The following SLC30A5 variants were observed in gnomAD, a reference collection of about 807,000 sequenced individuals.
SLC30A5 encodes the protein solute carrier family 30 member 5, also known as proton-coupled zinc antiporter SLC30A5.
SLC30A5 carries 33 observed loss-of-function variants against 79.6 expected under a neutral mutation model. That is an observed-to-expected ratio of 0.41 (90% CI 0.31 to 0.55). SLC30A5 has a LOEUF of 0.55. SLC30A5 is among the 20% of genes least tolerant of loss of function. The pLI, the probability that SLC30A5 is intolerant of heterozygous loss-of-function variation, is 0.20. For synonymous variants in SLC30A5, 299 were observed against 319.7 expected, an observed-to-expected ratio of 0.94 and a Z score of 0.69; for missense variants, 788 against 928.1, an observed-to-expected ratio of 0.85 and a Z score of 1.96.
intron 5 of SLC30A5, among the ~76,000 whole-genome samples, chr5:69,108,974 A>G (rs1054381940): frequency 6.6e-6 from 1 of 152,172 alleles, no homozygotes. Flanking sequence ...TAACATGGAA[A>G]CAGTGGAAAA....
chr5:69,118,998 G>A (rs937685788), intron 12 of SLC30A5, among the ~76,000 whole-genome samples: 3 of 151,572 alleles, frequency 2.0e-5, no homozygotes, highest in African/African-American at 4.8e-5. Flanking sequence ...ATAGAGTTTC[G>A]CCATGTTGGC....
intron 5 of SLC30A5, among the ~76,000 whole-genome samples, chr5:69,110,185 A>G (rs1195413587): frequency 6.6e-6 from 1 of 152,156 alleles, no homozygotes; most frequent in African/African-American, 2.4e-5. Flanking sequence ...GGCTGCCTTC[A>G]GCCAAAATAT....
chr5:69,098,540 C>T (rs529197775), intron 1 of SLC30A5, among the ~76,000 whole-genome samples: 1 of 152,272 alleles, frequency 6.6e-6, no homozygotes, highest in African/African-American at 2.4e-5. Flanking sequence ...TTGGGCTTTG[C>T]CTACTGCAGT....
intron 12 of SLC30A5, among the ~76,000 whole-genome samples, chr5:69,121,288 G>A (rs1365256922): frequency 6.6e-6 from 1 of 152,000 alleles, no homozygotes; most frequent in Non-Finnish European, 1.5e-5. Context: ...TATAATTGTT[G>A]GCATATAAAC....
At chr5:69,097,050 A>C (rs185291206) in intron 1 of SLC30A5, among the ~76,000 whole-genome samples, 35 of 151,748 alleles carry the variant, frequency 2.3e-4, no homozygotes, top group African/African-American at 8.4e-4. Context: ...ACTAGAAAAA[A>C]ACAGAACACA....
intron 4 of SLC30A5, among the ~76,000 whole-genome samples, chr5:69,105,921 GGTGGAACA>G (rs1163235247): frequency 6.6e-6 from 1 of 152,188 alleles, no homozygotes; most frequent in East Asian, 1.9e-4. Flanking sequence ...GATGATCTGA[GGTGGAACA>G]GTTATGTCCT....
At chr5:69,095,875 C>T (rs1359501144) in intron 1 of SLC30A5, among the ~76,000 whole-genome samples, 1 of 149,200 alleles carries the variant, frequency 6.7e-6, no homozygotes, top group African/African-American at 2.5e-5. Context: ...GCCTGGCCAA[C>T]ATGGTGAGAC....
intron 4 of SLC30A5, among the ~76,000 whole-genome samples, chr5:69,106,761 CTT>C (rs1298668228): frequency 5.9e-5 from 9 of 152,276 alleles, no homozygotes; most frequent in South Asian, 2.1e-4. Context: ...ATACTTTACT[CTT>C]TTGTAAAAAC....
At chr5:69,112,009 A>G (rs1746245143) in intron 5 of SLC30A5, among the ~76,000 whole-genome samples, 1 of 152,192 alleles carries the variant, frequency 6.6e-6, no homozygotes, top group Non-Finnish European at 1.5e-5. Context: ...ATGTATAGTA[A>G]TGCTGTTTAG....
chr5:69,128,739 G>C (rs1211423575), intron 15 of SLC30A5, among the ~76,000 whole-genome samples: 1 of 152,056 alleles, frequency 6.6e-6, no homozygotes, highest in South Asian at 2.1e-4. Context: ...CAAAAAATAA[G>C]TTATTATAAA....
intron 1 of SLC30A5, among the ~76,000 whole-genome samples, chr5:69,099,566 T>C (rs915163339): frequency 1.3e-5 from 2 of 152,278 alleles, no homozygotes; most frequent in South Asian, 4.1e-4. Context: ...GAAGACTTCC[T>C]AGAGATCCTC....
Position 69,118,489 on chromosome 5 carries a change from A to T in SLC30A5, c.1440-10A>T, listed in dbSNP as rs765276184. ...CTTTTCCTTTTCTGAAAAATGTTCT[A>T]TGTTTTTAGGTACGGCCGAATAGAA... On this transcript the variant is annotated splice_polypyrimidine_tract_variant and intron_variant, in intron 11 of 15. Coordinates refer to ENST00000396591, the MANE Select transcript of SLC30A5 (RefSeq NM_022902.5). The T allele has an allele frequency of 6.3e-7, 1 of 1,589,962 alleles. No homozygotes were observed. Among genetic ancestry groups the T allele is most frequent in the Non-Finnish European group, 8.5e-7 (1 of 1,170,872 alleles).
Position 69,118,635 on chromosome 5 carries a change from CTT to C in SLC30A5, c.1569+11_1569+12del. Reference sequence around the variant, plus strand: ...AGACACTCACATGTTAACAGTAAGTCTTTTTATTTTCCTATTTGGATTTCTAG... The same window carrying C: ...AGACACTCACATGTTAACAGTAAGTCTTTATTTTCCTATTTGGATTTCTAG... On this transcript the variant is annotated splice_region_variant and intron_variant, in intron 12 of 15. Coordinates refer to ENST00000396591, the MANE Select transcript of SLC30A5 (RefSeq NM_022902.5). 6.4e-7 allele frequency: 1 copy of C among 1,559,398 alleles called. No homozygotes were observed.
intron 5 of SLC30A5, among the ~76,000 whole-genome samples, chr5:69,109,144 G>A (rs1746163878): frequency 6.6e-6 from 1 of 151,966 alleles, no homozygotes; most frequent in Non-Finnish European, 1.5e-5. Flanking sequence ...ACAATAGGGT[G>A]ACTATAATCA....
At chr5:69,101,892 G>A (rs752431841) in intron 2 of SLC30A5, among the ~76,000 whole-genome samples, 10 of 150,854 alleles carry the variant, frequency 6.6e-5, no homozygotes, top group Non-Finnish European at 1.2e-4. Flanking sequence ...GGGAGGCAGC[G>A]GTTGCAGTGA....
rs76251145 is a variant in SLC30A5 at position 69,129,354 on chromosome 5, A to C, written c.2128-93A>C. 6,406 of 880,526 alleles carry C rather than the reference A, an allele frequency of 7.3e-3. 315 individuals carry two copies. In the African/African-American group the frequency reaches 0.1, roughly 14 times the overall value. The allele number at this position is 880,526 out of a possible 1,614,324, so 54.5% of individuals were successfully genotyped here. ...GATTTCGTATTTTCAGATTAAAGAT[A>C]CTCAACCCGTATCAACTATGTACAG... On this transcript the variant is annotated intron_variant, in intron 15 of 15. Transcript: ENST00000396591.
At chr5:69,106,658 A>G (rs1317486971) in intron 4 of SLC30A5, among the ~76,000 whole-genome samples, 1 of 152,134 alleles carries the variant, frequency 6.6e-6, no homozygotes, top group Non-Finnish European at 1.5e-5. Flanking sequence ...AAAATTAGCC[A>G]GGCATGGTGC....
At chr5:69,102,997 C>T (rs1047001590) in intron 2 of SLC30A5, 65 bp from the exon 3 acceptor site, 6 of 779,288 alleles carry the variant, frequency 7.7e-6, no homozygotes, top group Non-Finnish European at 1.2e-5. Flanking sequence ...AGTGTCTTTA[C>T]TTAAAACTGT....
intron 5 of SLC30A5, among the ~76,000 whole-genome samples, chr5:69,111,864 A>G (rs1262110923): frequency 6.6e-6 from 1 of 152,160 alleles, no homozygotes; most frequent in Middle Eastern, 3.2e-3. Context: ...TGCATTGTAA[A>G]CTTTAATAGA....
Sources: allele counts gnomAD v4.1 joint callset (sites outside exome capture counted in the v4.1 genomes callset), GRCh38; gene constraint gnomAD v4.1.1; transcripts MANE v1.5; gene names NCBI Gene and HGNC (gene_info 2026-07-23, HGNC 2026-07-21).